The following BANK1 variants were observed in gnomAD, a reference collection of about 807,000 sequenced individuals.
BANK1 encodes the protein B cell scaffold protein with ankyrin repeats 1.
In BANK1, 95 loss-of-function variants were observed where a neutral mutation model predicts 94.5. The ratio of observed to expected loss-of-function variants is 1.00; its 90% confidence interval spans 0.85 to 1.19. The LOEUF is 1.19. BANK1 is among the 50% of genes most tolerant of loss of function. The pLI is 0.00. For missense variants in BANK1, 987 were observed against 932.2 expected (o/e 1.06, Z -0.77); for synonymous variants, 334 against 308.4 (o/e 1.08, Z -0.87).
At chr4:101,865,486 C>T (rs190374260) in intron 4 of BANK1, among the ~76,000 whole-genome samples, 73 of 152,076 alleles carry the variant, frequency 4.8e-4, no homozygotes, top group Non-Finnish European at 9.1e-4. Flanking sequence ...GAAGGATAAT[C>T]GTGGTGAAAT....
chr4:101,987,189 T>C (rs1247127706), intron 7 of BANK1, among the ~76,000 whole-genome samples: 2 of 151,742 alleles, frequency 1.3e-5, no homozygotes, highest in African/African-American at 2.4e-5. Flanking sequence ...ACTTTCCCAG[T>C]CCATGTAAGG....
intron 7 of BANK1, chr4:101,972,346 A>C (rs948081096): frequency 8.5e-5 from 13 of 152,122 alleles, no homozygotes; most frequent in Non-Finnish European, 1.8e-4. Context: ...TTTGTATAGA[A>C]ATGCTACAGA....
chr4:101,843,034 A>G (rs1727112756), intron 2 of BANK1, among the ~76,000 whole-genome samples: 1 of 152,244 alleles, frequency 6.6e-6, no homozygotes, highest in Non-Finnish European at 1.5e-5. Context: ...TGATACTTAG[A>G]AAAATTAAAA....
chr4:102,059,490 A>G (rs567591273), intron 11 of BANK1, among the ~76,000 whole-genome samples: 39 of 152,314 alleles, frequency 2.6e-4, no homozygotes, highest in Non-Finnish European at 4.3e-4. Flanking sequence ...TAGAGAGTAC[A>G]TAGCATCCTT....
rs762704898 is a variant in BANK1 at position 102,071,257 on chromosome 4, CT to C, written c.2213-10del. The C allele has an allele frequency of 1.4e-5, 23 of 1,609,534 alleles. No individual in the cohort carries two copies. The highest frequency in any genetic ancestry group is 1.7e-4 in the Middle Eastern group (1 of 6,050). ...ATTGAACAAAACTCAGTAGAACATG[CT>C]TTTTTTTGTCTTCCAGATAAACTCA... On this transcript the variant is annotated splice_polypyrimidine_tract_variant and intron_variant, in intron 13 of 16. Transcript: ENST00000322953.
At chr4:101,898,745 C>G (rs1722176838) in intron 6 of BANK1, among the ~76,000 whole-genome samples, 1 of 152,018 alleles carries the variant, frequency 6.6e-6, no homozygotes, top group Non-Finnish European at 1.5e-5. Flanking sequence ...TAGTTTCCTG[C>G]CACTTCATTT....
At chr4:101,862,956 C>T (rs149876203) in intron 4 of BANK1, among the ~76,000 whole-genome samples, 117 of 152,116 alleles carry the variant, frequency 7.7e-4, no homozygotes, top group South Asian at 1.9e-3. Context: ...AACCACTAAA[C>T]ATATGACTAA....
chr4:101,901,081 T>G (rs1394280015), intron 6 of BANK1, among the ~76,000 whole-genome samples: 1 of 152,168 alleles, frequency 6.6e-6, no homozygotes, highest in Non-Finnish European at 1.5e-5. Flanking sequence ...ACAAAATAAC[T>G]TGTGATATAC....
chr4:101,939,318 A>G (rs764081228), intron 7 of BANK1, among the ~76,000 whole-genome samples: 1 of 151,784 alleles, frequency 6.6e-6, no homozygotes, highest in African/African-American at 2.4e-5. Context: ...CTTAAAATAT[A>G]TGCAATTTGC....
chr4:101,922,120 C>T (rs1186302216), intron 7 of BANK1, among the ~76,000 whole-genome samples: 1 of 150,844 alleles, frequency 6.6e-6, no homozygotes, highest in Non-Finnish European at 1.5e-5. Flanking sequence ...TTCAGATAGT[C>T]AAGGGCTTGG....
intron 12 of BANK1, chr4:102,062,015 A>C (rs2148964362): frequency 6.6e-6 from 1 of 152,360 alleles, no homozygotes; most frequent in Middle Eastern, 3.4e-3. Flanking sequence ...AAAAAGATGA[A>C]TATTCCTCCT....
Position 102,003,013 on chromosome 4 carries a change from G to A in BANK1, c.1207-18501G>A, listed in dbSNP as rs571234988. Among the ~76,000 whole-genome samples, 8 of 152,172 alleles carry A rather than the reference G, an allele frequency of 5.3e-5. 1 individual carries two copies. Among genetic ancestry groups the A allele is most frequent in the Admixed American group, 3.9e-4 (6 of 15,264 alleles). The stretch of plus-strand genomic sequence containing the variant: ...TGGCCTCAAGTGATCCGCCCACCTC[G>A]GCCTCCCAAAGTACTGGGATTACAG... On this transcript the variant is annotated intron_variant, in intron 7 of 16. Transcript: ENST00000322953.
At chr4:102,037,006 CTT>C (rs1258107816) in intron 10 of BANK1, 1 of 152,190 alleles carries the variant, frequency 6.6e-6, no homozygotes, top group Non-Finnish European at 1.5e-5. Context: ...TTATCAAGCA[CTT>C]AGATTTTCAT....
At chr4:101,842,614 T>C (rs6532973) in intron 2 of BANK1, among the ~76,000 whole-genome samples, 10,895 of 152,246 alleles carry the variant, frequency 0.072, 1,361 homozygotes, top group African/African-American at 0.25. Context: ...TTAGGCTACT[T>C]GCAGAGAACT....
chr4:102,064,058 G>T (rs974258814), intron 13 of BANK1, among the ~76,000 whole-genome samples: 2 of 151,926 alleles, frequency 1.3e-5, no homozygotes, highest in Non-Finnish European at 2.9e-5. Context: ...AATAAATTAC[G>T]TTATCACTAT....
chr4:102,073,841 A>AAAG, intron 16 of BANK1, 93 bp downstream of exon 16: 3 of 977,238 alleles, frequency 3.1e-6, no homozygotes, highest in Non-Finnish European at 4.6e-6. Context: ...AGAATTTTTT[A>AAAG]AAGATTTCAT....
intron 7 of BANK1, among the ~76,000 whole-genome samples, chr4:101,945,978 C>G (rs1289615500): frequency 1.3e-5 from 2 of 151,894 alleles, no homozygotes; most frequent in Non-Finnish European, 2.9e-5. Context: ...TCATTGGGAA[C>G]CTGCTCCTTT....
At chr4:101,941,622 T>C (rs1046357227) in intron 7 of BANK1, among the ~76,000 whole-genome samples, 4 of 151,736 alleles carry the variant, frequency 2.6e-5, no homozygotes, top group Admixed American at 2.6e-4. Flanking sequence ...GCTGACATCA[T>C]TCGTCAGAGG....
intron 11 of BANK1, among the ~76,000 whole-genome samples, chr4:102,058,494 C>G (rs1352457135): frequency 6.6e-6 from 1 of 151,836 alleles, no homozygotes; most frequent in Non-Finnish European, 1.5e-5. Context: ...GACAGAAAAC[C>G]TTTCATTACT....
Sources: gnomAD v4.1 joint callset for allele counts (sites outside exome capture counted in the v4.1 genomes callset) on GRCh38, gnomAD v4.1.1 for gene constraint, MANE v1.5 for transcripts, NCBI Gene and HGNC (gene_info 2026-07-23, HGNC 2026-07-21) for gene names.